UNC13C: variants seen among roughly 807,000 people sequenced by gnomAD.
UNC13C encodes protein unc-13 homolog C.
UNC13C carries 174 observed loss-of-function variants against 245.4 expected under a neutral mutation model. The ratio of observed to expected loss-of-function variants is 0.71; its 90% CI spans 0.63 to 0.80. UNC13C has a LOEUF of 0.80. Ranked by LOEUF, UNC13C falls within the 30% of genes least tolerant of loss-of-function variation. The probability of loss-of-function intolerance (pLI) is 0.00; values close to 1 mark genes in which losing one functional copy is unlikely to be tolerated. For synonymous variants in UNC13C, 992 were observed against 895.1 expected (o/e 1.11, Z -1.93); for missense variants, 2,829 against 2,602.9 (o/e 1.09, Z -1.89).
At chr15:54,619,841 G>T (rs1900683493) in intron 30 of UNC13C, among the ~76,000 whole-genome samples, 2 of 152,128 alleles carry the variant, frequency 1.3e-5, no homozygotes. Flanking sequence ...AGAAAAATCT[G>T]CATAATTAAC....
In UNC13C at chr15:54,015,120, T is replaced by A; in HGVS notation, c.2217T>A (p.Asp739Glu). 7 of 1,612,654 alleles carry A rather than the reference T, an allele frequency of 4.3e-6. No homozygotes were observed. The highest frequency in any genetic ancestry group is 5.9e-6 in the Non-Finnish European group (7 of 1,179,330). ...EPQGQWVGQYDSYQGANSNEL... is the reference protein window; with the variant it reads ...EPQGQWVGQYESYQGANSNEL... Reference sequence around the variant, plus strand: ...AAGGCCAGTGGGTTGGCCAATATGATTCTTATCAGGGAGCTAATTCTAATG... The same window carrying A: ...AAGGCCAGTGGGTTGGCCAATATGAATCTTATCAGGGAGCTAATTCTAATG... The change falls in exon 2 of 33, where the codon GAT becomes GAA. Residue 739 changes from aspartate to glutamate, a missense_variant. Coordinates refer to ENST00000260323, the MANE Select transcript of UNC13C (RefSeq NM_001080534.3).
chr15:54,568,069 A>T, intron 30 of UNC13C, 122 bp downstream of exon 30: 1 of 655,462 alleles, frequency 1.5e-6, no homozygotes, highest in South Asian at 5.6e-5. Context: ...ATCATTAAAA[A>T]TGGAGAGTTA....
At chr15:54,106,370 T>C (rs1595862880) in intron 2 of UNC13C, among the ~76,000 whole-genome samples, 4 of 152,268 alleles carry the variant, frequency 2.6e-5, no homozygotes, top group African/African-American at 7.2e-5. Flanking sequence ...AAACAAGAAC[T>C]TGAAATTCTC....
At chr15:54,374,992 G>A (rs2039574990) in intron 17 of UNC13C, among the ~76,000 whole-genome samples, 1 of 152,216 alleles carries the variant, frequency 6.6e-6, no homozygotes, top group Admixed American at 6.5e-5. Flanking sequence ...ATATTCTATA[G>A]ATGATAAGAG....
At chr15:54,576,752 G>C (rs1284959506) in intron 30 of UNC13C, among the ~76,000 whole-genome samples, 1 of 152,086 alleles carries the variant, frequency 6.6e-6, no homozygotes, top group Non-Finnish European at 1.5e-5. Context: ...GATTCATCTT[G>C]TGACAGTTCC....
intron 7 of UNC13C, among the ~76,000 whole-genome samples, chr15:54,245,670 A>G (rs74013533): frequency 0.025 from 3,862 of 152,258 alleles, 161 homozygotes; most frequent in African/African-American, 0.089. Flanking sequence ...AGATCATATT[A>G]TACCTAATGT....
intron 6 of UNC13C, 36 bp from the exon 7 acceptor site, chr15:54,237,583 C>T: frequency 6.5e-7 from 1 of 1,534,922 alleles, no homozygotes; most frequent in Non-Finnish European, 9.0e-7. Context: ...GTCAACCTCC[C>T]TATGTATTAA....
chr15:54,550,876 C>G (rs1043941448), intron 28 of UNC13C, among the ~76,000 whole-genome samples: 1 of 152,124 alleles, frequency 6.6e-6, no homozygotes, highest in Admixed American at 6.6e-5. Context: ...CACATAAAAC[C>G]ATGAAGGTGA....
At chr15:54,084,137 T>C (rs1410104708) in intron 2 of UNC13C, among the ~76,000 whole-genome samples, 1 of 152,232 alleles carries the variant, frequency 6.6e-6, no homozygotes, top group Non-Finnish European at 1.5e-5. Flanking sequence ...AGCCAGACTC[T>C]TGCTACTTTC....
the UNC13C span, among the ~76,000 whole-genome samples, chr15:53,899,049 C>G: frequency 1.3e-5 from 2 of 151,382 alleles, no homozygotes; most frequent in Non-Finnish European, 2.9e-5. Context: ...CAATGTGTTT[C>G]CATATAGTAA....
intron 19 of UNC13C, among the ~76,000 whole-genome samples, chr15:54,481,480 GGT>G (rs146447560): frequency 2.0e-5 from 3 of 151,908 alleles, no homozygotes; most frequent in Non-Finnish European, 2.9e-5. Flanking sequence ...GGTCTTGGAA[GGT>G]GTGTGTGTGT....
intron 2 of UNC13C, chr15:54,050,446 T>C: frequency 1.8e-6 from 1 of 553,644 alleles, no homozygotes; most frequent in South Asian, 1.4e-5. Context: ...CTGGGCTTGC[T>C]GAGCTAAAGT....
chr15:54,049,484 T>G, intron 2 of UNC13C: 1 of 353,782 alleles, frequency 2.8e-6, no homozygotes, highest in Non-Finnish European at 5.6e-6. Flanking sequence ...TGTGCAGAGT[T>G]CAAAGATACT....
At chr15:53,913,183 GC>G in the UNC13C span, 1 of 152,230 alleles carries the variant, frequency 6.6e-6, no homozygotes, top group African/African-American at 2.4e-5. Flanking sequence ...AAGCAGCAAT[GC>G]CCTTCTTGCC....
At chr15:54,617,424 ATATCT>A (rs984350048) in intron 30 of UNC13C, among the ~76,000 whole-genome samples, 14 of 151,982 alleles carry the variant, frequency 9.2e-5, no homozygotes, top group Non-Finnish European at 1.3e-4. Flanking sequence ...AGTATATACT[ATATCT>A]TATAAGTTAG....
intron 2 of UNC13C, among the ~76,000 whole-genome samples, chr15:54,118,212 A>G (rs1444177591): frequency 6.6e-6 from 1 of 152,010 alleles, no homozygotes; most frequent in African/African-American, 2.4e-5. Context: ...GCATTTTCAT[A>G]GTGAGTATAT....
chr15:54,583,619 TA>T (rs1898309658), intron 30 of UNC13C, among the ~76,000 whole-genome samples: 1 of 152,236 alleles, frequency 6.6e-6, no homozygotes, highest in Admixed American at 6.5e-5. Flanking sequence ...AGAAATGATT[TA>T]AAAGCCAGGT....
chr15:54,068,191 A>G (rs1316947799), intron 2 of UNC13C, among the ~76,000 whole-genome samples: 10 of 152,198 alleles, frequency 6.6e-5, no homozygotes, highest in Admixed American at 5.9e-4. Flanking sequence ...TTCTATAGCC[A>G]CAACCATTTA....
At chr15:53,990,896 T>A (rs1365646847) in intron 1 of UNC13C, among the ~76,000 whole-genome samples, 1 of 152,038 alleles carries the variant, frequency 6.6e-6, no homozygotes, top group African/African-American at 2.4e-5. Flanking sequence ...ATCCACCTTG[T>A]CTCCTGATAG....
Sources: allele counts gnomAD v4.1 joint callset (sites outside exome capture counted in the v4.1 genomes callset), GRCh38; gene constraint gnomAD v4.1.1; transcripts MANE v1.5; gene names NCBI Gene and HGNC (gene_info 2026-07-23, HGNC 2026-07-21).